TNS1: variants seen among roughly 807,000 people sequenced by gnomAD.
TNS1 encodes tensin 1, also known as tensin-1.
In TNS1, 62 loss-of-function variants were observed where a neutral mutation model predicts 168.6. The observed-to-expected ratio is 0.37, with a 90% CI of 0.30 to 0.45. The LOEUF is 0.45. Ranked by LOEUF, TNS1 falls within the 20% of genes least tolerant of loss-of-function variation. TNS1 has a pLI of 1.00. For missense variants in TNS1, 2,240 were observed against 2,339.4 expected (o/e 0.96, Z 0.88); for synonymous variants, 934 against 933.2 (o/e 1.00, Z -0.02).
intron 8 of TNS1, among the ~76,000 whole-genome samples, chr2:217,896,592 C>T (rs2125729151): frequency 6.6e-6 from 1 of 152,278 alleles, no homozygotes; most frequent in South Asian, 2.1e-4. Flanking sequence ...CCGTCAACAC[C>T]TTGATTTCAG....
In TNS1 at chr2:217,817,673, A is replaced by C. The variant is rs777719519; in HGVS notation, c.4642+17T>G. 73 of 1,564,320 alleles carry C rather than the reference A, an allele frequency of 4.7e-5. No homozygotes were observed. The highest frequency in any genetic ancestry group is 6.3e-5 in the Non-Finnish European group (72 of 1,149,694). ...TCATCAGCAGGAGAGGTGAAAATGG[A>C]AGGGGGAGAGGCCCACCTGGCATGG... On this transcript the variant is annotated intron_variant, in intron 24 of 32. Coordinates refer to ENST00000682258, the MANE Select transcript of TNS1 (RefSeq NM_001387777.1).
intron 3 of TNS1, among the ~76,000 whole-genome samples, chr2:217,977,257 GAGAAGC>G (rs1957918666): frequency 6.6e-6 from 1 of 152,198 alleles, no homozygotes; most frequent in Admixed American, 6.5e-5. Flanking sequence ...GAGGTGGAAG[GAGAAGC>G]AGAAACGTAC....
chr2:218,010,474 G>A (rs975356180), upstream of TNS1: 16 of 327,518 alleles, frequency 4.9e-5, no homozygotes, highest in Admixed American at 2.0e-4. Flanking sequence ...TACACCCTCA[G>A]GGACTCTTCC....
intron 22 of TNS1, among the ~76,000 whole-genome samples, chr2:217,823,972 T>C (rs971511670): frequency 6.6e-6 from 1 of 152,266 alleles, no homozygotes; most frequent in African/African-American, 2.4e-5. Flanking sequence ...CACGAGGCTC[T>C]GCTGGAACTA....
Position 217,847,797 on chromosome 2 carries a change from G to T in TNS1, c.2720C>A (p.Ala907Asp). The T allele has an allele frequency of 6.2e-7, 1 of 1,603,092 alleles. No homozygotes were observed. Among genetic ancestry groups the T allele is most frequent in the South Asian group, 1.1e-5 (1 of 90,824 alleles). Residue 907 changes from alanine (A) to aspartate (D), a missense_variant, in exon 19 of 33, where the codon GCC (alanine) becomes GAC (aspartate). Physicochemically the swap from Ala to Asp is moderately radical, Grantham distance 126. Transcript: ENST00000682258. ...GCCAGGAGGGACAGACTCCAGAGAG[G>T]CCCGTGGGGCTGGCTCAGGGGTTCC... is the stretch of plus-strand genomic sequence containing the variant. Reference protein sequence around the residue: ...SLGTPEPAPRASLESVPPGRS... With the variant: ...SLGTPEPAPRDSLESVPPGRS...
chr2:217,976,674 C>T lies in TNS1; in HGVS notation c.186+2091G>A, dbSNP rs144035402. Among the ~76,000 whole-genome samples the T allele has an allele frequency of 9.6e-4, 147 of 152,334 alleles. 2 individuals are homozygous for T. The East Asian group carries it at 0.015, about 16-fold the overall frequency. On this transcript the variant is annotated intron_variant, in intron 3 of 32. Transcript: ENST00000682258. ...CTATGCCCCCAAAAAGTCATCTTTG[C>T]CATTTGCCTGTTCCCATGCACAAGG...
chr2:217,848,546 G>T lies in TNS1; in HGVS notation c.1971C>A (p.Gly657=). 6.2e-7 allele frequency: 1 copy of T among 1,614,000 alleles called. No individual in the cohort carries two copies. The highest frequency in any genetic ancestry group is 1.1e-5 in the South Asian group (1 of 91,056). ...TCAGTGGGGACAGGGCCTCTGGGTAGCCCCCCTCACTGGTGTTGGTGACCC... is the reference window on the plus strand; with the variant it reads ...TCAGTGGGGACAGGGCCTCTGGGTATCCCCCCTCACTGGTGTTGGTGACCC... ...LDGVTNTSEG[G]YPEALSPLTN... Residue 657 remains glycine, a synonymous_variant, in exon 19 of 33, where the codon GGC becomes GGA. Transcript: ENST00000682258.
chr2:218,007,414 G>A (rs1958667853), upstream of TNS1, among the ~76,000 whole-genome samples: 2 of 152,170 alleles, frequency 1.3e-5, no homozygotes, highest in Non-Finnish European at 2.9e-5. Flanking sequence ...TGAAAATGGA[G>A]CTCAGGTCAT....
intron 18 of TNS1, chr2:217,850,658 C>T: frequency 1.0e-6 from 1 of 966,216 alleles, no homozygotes; most frequent in Non-Finnish European, 1.2e-6. Context: ...CTAATCCAGG[C>T]TCTCCGTTAG....
Position 217,995,243 on chromosome 2 carries a change from G to T in TNS1, c.34-4187C>A, listed in dbSNP as rs1288201433. On this transcript the variant is annotated intron_variant, in intron 1 of 32. Coordinates refer to ENST00000682258, the MANE Select transcript of TNS1 (RefSeq NM_001387777.1). The surrounding 1 kb of genome is among the most constrained non-coding windows in gnomAD (Gnocchi z 4.1). The stretch of plus-strand genomic sequence containing the variant: ...CGCTGTGAAACAGGGACACTGCGCT[G>T]GTCTTGTTGAAACAGCTGTCCCATA... Among the ~76,000 whole-genome samples, 1 of 152,146 alleles carries T rather than the reference G, an allele frequency of 6.6e-6. No individual in the cohort carries two copies. The highest frequency in any genetic ancestry group is 1.5e-5 in the Non-Finnish European group (1 of 68,016).
At chr2:218,005,220 G>A (rs1488092468), upstream of TNS1, among the ~76,000 whole-genome samples, 1 of 152,242 alleles carries the variant, frequency 6.6e-6, no homozygotes, top group Non-Finnish European at 1.5e-5. Flanking sequence ...CTGGAGTTCT[G>A]AGAAGTCACC....
chr2:217,889,842 C>T (rs1018965435), intron 12 of TNS1, among the ~76,000 whole-genome samples: 2 of 152,348 alleles, frequency 1.3e-5, no homozygotes, highest in Admixed American at 6.5e-5. Context: ...GGGCCTGCGT[C>T]CCACCATCCA....
intron 18 of TNS1, among the ~76,000 whole-genome samples, chr2:217,854,322 G>C (rs1947870602): frequency 2.0e-5 from 3 of 152,200 alleles, no homozygotes; most frequent in Non-Finnish European, 4.4e-5. Context: ...TGCAAGAAAG[G>C]AGTCACCTTC....
Position 217,847,685 on chromosome 2 carries a change from C to A in TNS1, c.2832G>T (p.Leu944Phe). Residue 944 changes from leucine to phenylalanine, a missense_variant, in exon 19 of 33, where the codon TTG becomes TTT. This residue lies in a region of TNS1 where 2,131 missense variants were observed against 2,171.2 expected (regional missense o/e 0.98). Transcript: ENST00000682258. ...FHSKSPASSS[L>F]PAFLPTTHSP... ...TGTGGGTGGTCGGAAGGAAGGCAGGCAAGGAGGAAGAGGCTGGGCTCTTTG... is the reference window on the plus strand; with the variant it reads ...TGTGGGTGGTCGGAAGGAAGGCAGGAAAGGAGGAAGAGGCTGGGCTCTTTG... 1 of 1,600,260 alleles carries A rather than the reference C, an allele frequency of 6.2e-7. No individual in the cohort carries two copies. Among genetic ancestry groups the A allele is most frequent in the Non-Finnish European group, 8.6e-7 (1 of 1,168,736 alleles).
rs1343440675 is a variant in TNS1, at chr2:217,978,883, AG to A, written c.149-82del. ...ACTCCGCGAAATCTCCTCCCACCCC[AG>A]CCCGCAATCCGCGCTCGGGAAGGAA... On this transcript the variant is annotated intron_variant, in intron 2 of 32. Coordinates refer to ENST00000682258, the MANE Select transcript of TNS1 (RefSeq NM_001387777.1). 4.3e-6 allele frequency: 3 copies of A among 695,342 alleles called. No individual in the cohort carries two copies. The African/African-American group carries it at 5.3e-5, about 12-fold the overall frequency. 43.1% of individuals were successfully genotyped at this position (695,342 alleles called of 1,614,324 possible).
chr2:218,015,347 G>A (rs560405502), upstream of TNS1, among the ~76,000 whole-genome samples: 29 of 152,238 alleles, frequency 1.9e-4, no homozygotes, highest in South Asian at 3.7e-3. Context: ...AGAAGGGAGA[G>A]GAGGGAGGGG....
intron 3 of TNS1, among the ~76,000 whole-genome samples, chr2:217,969,790 C>T (rs1028427764): frequency 2.0e-5 from 3 of 152,114 alleles, no homozygotes; most frequent in African/African-American, 7.2e-5. Context: ...CAAGTGTTGA[C>T]AAGGATGTGG....
chr2:217,919,319 G>C (rs564242538), intron 4 of TNS1, among the ~76,000 whole-genome samples: 21 of 152,212 alleles, frequency 1.4e-4, no homozygotes, highest in Non-Finnish European at 2.9e-4. Context: ...CTGGGCCCCA[G>C]GACAGCCACG....
intron 4 of TNS1, among the ~76,000 whole-genome samples, chr2:217,910,795 G>T (rs951157768): frequency 6.7e-6 from 1 of 149,308 alleles, no homozygotes; most frequent in African/African-American, 2.5e-5. Context: ...GGGGACATCT[G>T]CTCTGAGAGG....
Sources: gnomAD v4.1 joint callset for allele counts (sites outside exome capture counted in the v4.1 genomes callset) on GRCh38, gnomAD v4.1.1 for gene constraint, gnomAD v4.1.1 regional missense constraint, Gnocchi (gnomAD v3.1) non-coding constraint, MANE v1.5 for transcripts, NCBI Gene and HGNC (gene_info 2026-07-23, HGNC 2026-07-21) for gene names.